UPK1A: variants seen among roughly 807,000 people sequenced by gnomAD.
UPK1A encodes uroplakin-1a.
In UPK1A, 31 loss-of-function variants were observed where a neutral mutation model predicts 32.3. The ratio of observed to expected loss-of-function variants is 0.96; its 90% confidence interval spans 0.72 to 1.30. The LOEUF (loss-of-function observed/expected upper bound fraction) is 1.30, where lower values mean the gene tolerates loss of function less well. Among genes scored for constraint, UPK1A ranks in the 50% most tolerant of loss-of-function variants. The probability of loss-of-function intolerance (pLI) is 0.00; values close to 1 mark genes in which losing one functional copy is unlikely to be tolerated. For synonymous variants in UPK1A, 135 were observed against 137.1 expected, an observed-to-expected ratio of 0.98 and a Z score of 0.11; for missense variants, 340 against 357.4, an observed-to-expected ratio of 0.95 and a Z score of 0.39.
At chr19:35,669,574 G>C (rs1968054457) in intron 3 of UPK1A, among the ~76,000 whole-genome samples, 1 of 152,094 alleles carries the variant, frequency 6.6e-6, no homozygotes, top group Non-Finnish European at 1.5e-5. Context: ...AGGAGGCTGG[G>C]GCGGAAGAAT....
In UPK1A at chr19:35,673,213, C is replaced by A; in HGVS notation, c.286-19C>A. On this transcript the variant is annotated intron_variant, in intron 3 of 7. Transcript: ENST00000617999. ...TCACGGGCTCTGCCCGACGGGCCGT[C>A]CTCCCTCTGTCTCCCCAGTACCTGG... 1 of 1,613,638 alleles carries A rather than the reference C, an allele frequency of 6.2e-7. No individual in the cohort carries two copies. The highest frequency in any genetic ancestry group is 8.5e-7 in the Non-Finnish European group (1 of 1,179,778).
intron 3 of UPK1A, among the ~76,000 whole-genome samples, chr19:35,672,972 C>T (rs1968124632): frequency 6.6e-6 from 1 of 152,198 alleles, no homozygotes; most frequent in African/African-American, 2.4e-5. Context: ...CCCTCGGCCT[C>T]CCAAAGTGCT....
At chr19:35,676,283 C>G (rs1276257631) in intron 6 of UPK1A, 3 of 604,976 alleles carry the variant, frequency 5.0e-6, no homozygotes, top group African/African-American at 1.9e-5. Context: ...GTCTGCCTCC[C>G]GGGTTCAAGG....
At chr19:35,674,225 T>G (rs913604790) in intron 5 of UPK1A, among the ~76,000 whole-genome samples, 30 of 150,760 alleles carry the variant, frequency 2.0e-4, no homozygotes, top group Non-Finnish European at 4.1e-4. Context: ...AAGCACATTT[T>G]TTTTTTTCTT....
chr19:35,667,038 T>C (rs1968009331), intron 2 of UPK1A, 142 bp downstream of exon 2: 3 of 759,280 alleles, frequency 4.0e-6, no homozygotes, highest in Non-Finnish European at 6.6e-6. Context: ...AAATCCCAGC[T>C]CTGCCTCTCC....
chr19:35,676,902 CAA>C (rs76089763), intron 6 of UPK1A, among the ~76,000 whole-genome samples: 2 of 149,064 alleles, frequency 1.3e-5, no homozygotes, highest in East Asian at 2.0e-4. Flanking sequence ...CCATCTCAAA[CAA>C]AAAAAAACAA....
intron 2 of UPK1A, 81 bp downstream of exon 2, chr19:35,666,977 G>A: frequency 7.0e-7 from 1 of 1,434,812 alleles, no homozygotes; most frequent in Non-Finnish European, 9.8e-7. Flanking sequence ...GGGGGATGAG[G>A]GTCCAGAACT....
intron 3 of UPK1A, among the ~76,000 whole-genome samples, chr19:35,669,692 G>A (rs1968056372): frequency 6.6e-6 from 1 of 151,916 alleles, no homozygotes; most frequent in Admixed American, 6.6e-5. Context: ...AAGAAAATGA[G>A]CTTCCTCAAT....
intron 5 of UPK1A, among the ~76,000 whole-genome samples, chr19:35,674,571 C>T (rs552912654): frequency 6.6e-6 from 1 of 151,850 alleles, no homozygotes; most frequent in African/African-American, 2.4e-5. Context: ...TTAATCCTCA[C>T]GACCACTCCA....
At chr19:35,666,944 G>C (rs575367949) in intron 2 of UPK1A, 48 bp downstream of exon 2, 1 of 1,601,364 alleles carries the variant, frequency 6.2e-7, no homozygotes, top group Admixed American at 1.7e-5. Flanking sequence ...GTGGTGGGGA[G>C]GGGACAGTCC....
chr19:35,674,382 G>A (rs909941752), intron 5 of UPK1A, among the ~76,000 whole-genome samples: 1 of 151,752 alleles, frequency 6.6e-6, no homozygotes, highest in African/African-American at 2.4e-5. Flanking sequence ...GAATAGCTGG[G>A]ACTACAGGCG....
intron 2 of UPK1A, among the ~76,000 whole-genome samples, chr19:35,667,618 C>T (rs914099543): frequency 3.3e-5 from 5 of 151,934 alleles, no homozygotes; most frequent in Non-Finnish European, 7.4e-5. Context: ...CTCAGCTTCC[C>T]GAGCAGCTGG....
chr19:35,675,869 G>A, exon 6 of UPK1A: 1 of 1,613,840 alleles, frequency 6.2e-7, no homozygotes, highest in Non-Finnish European at 8.5e-7. Flanking sequence ...CTGGTCCCAT[G>A]GACTGGGTGA....
chr19:35,673,649 C>T lies in UPK1A; in HGVS notation c.468+104C>T, dbSNP rs1237483332. ...TTTAGAGGAGTGAGTGCCTTAAAGA[C>T]ATCCGCTCATGAGATCTCTAGGAGA... On this transcript the variant is annotated intron_variant, in intron 5 of 7. Coordinates refer to ENST00000617999, the Ensembl canonical transcript of UPK1A. The T allele has an allele frequency of 1.8e-5, 17 of 953,274 alleles. No individual in the cohort carries two copies. In the East Asian group the frequency reaches 3.9e-4, roughly 22 times the overall value. The allele number at this position is 953,274 out of a possible 1,614,324, so 59.1% of individuals were successfully genotyped here. A position where few individuals can be genotyped will look rare whatever the true frequency, so the allele number is the denominator to read the frequency against.
At chr19:35,669,499 TAAAAA>T (rs34854874) in intron 3 of UPK1A, among the ~76,000 whole-genome samples, 1 of 116,268 alleles carries the variant, frequency 8.6e-6, no homozygotes, top group Non-Finnish European at 1.8e-5. Flanking sequence ...ATCCCATCTC[TAAAAA>T]AAAAAAAAAA....
chr19:35,667,306 T>TTTTGTTTTG (rs1968013680), intron 2 of UPK1A, among the ~76,000 whole-genome samples: 2 of 150,084 alleles, frequency 1.3e-5, no homozygotes, highest in African/African-American at 4.9e-5. Flanking sequence ...GGTTTTGTGT[T>TTTTGTTTTG]TTTTGTTTTG....
intron 2 of UPK1A, among the ~76,000 whole-genome samples, chr19:35,667,656 G>A (rs1174117184): frequency 6.6e-6 from 1 of 151,900 alleles, no homozygotes; most frequent in Non-Finnish European, 1.5e-5. Context: ...ACCACACCCG[G>A]CTACTTTTTG....
chr19:35,676,000 T>G, exon 6 of UPK1A: 1 of 1,613,508 alleles, frequency 6.2e-7, no homozygotes, highest in South Asian at 1.1e-5. Context: ...CTGGGGCACA[T>G]GGACTACCTG....
intron 2 of UPK1A, chr19:35,668,145 T>C: frequency 2.2e-6 from 1 of 450,972 alleles, no homozygotes. Context: ...AACAGCACTG[T>C]CAAGGGAGGG....
Sources: allele counts gnomAD v4.1 joint callset (sites outside exome capture counted in the v4.1 genomes callset), GRCh38; gene constraint gnomAD v4.1.1; transcripts MANE v1.5; gene names NCBI Gene and HGNC (gene_info 2026-07-23, HGNC 2026-07-21).